PTPN3: variants seen among roughly 807,000 people sequenced by gnomAD.
PTPN3 encodes the protein protein tyrosine phosphatase non-receptor type 3.
PTPN3 carries 96 observed loss-of-function variants against 132.7 expected under a neutral mutation model. The ratio of observed to expected loss-of-function variants is 0.72; its 90% CI spans 0.61 to 0.86. PTPN3 has a LOEUF of 0.86. PTPN3 is among the 40% of genes least tolerant of loss of function. The pLI is 0.00. For missense variants in PTPN3, 1,125 were observed against 1,159.6 expected, an observed-to-expected ratio of 0.97 and a Z score of 0.43; for synonymous variants, 398 against 429.0, an observed-to-expected ratio of 0.93 and a Z score of 0.89.
chr9:109,388,190 G>A (rs1839759324), intron 22 of PTPN3, among the ~76,000 whole-genome samples: 2 of 152,226 alleles, frequency 1.3e-5, no homozygotes, highest in South Asian at 4.1e-4. Context: ...CTCCTAATCT[G>A]GAAGAACTGG....
chr9:109,385,136 C>T (rs1250570963), intron 22 of PTPN3, among the ~76,000 whole-genome samples: 1 of 152,218 alleles, frequency 6.6e-6, no homozygotes, highest in Non-Finnish European at 1.5e-5. Flanking sequence ...AGAGACTCCC[C>T]TTATTCCACA....
intron 1 of PTPN3, among the ~76,000 whole-genome samples, chr9:109,470,797 T>C (rs907676575): frequency 3.3e-5 from 5 of 152,130 alleles, no homozygotes; most frequent in Non-Finnish European, 7.3e-5. Flanking sequence ...CTGATCAAGA[T>C]ATTAAAAAAA....
rs542517052 is a variant in PTPN3, at chr9:109,417,171, C to A, written c.1313+3253G>T. Among the ~76,000 whole-genome samples the A allele has an allele frequency of 4.1e-4, 62 of 152,332 alleles. 1 individual carries two copies. The highest frequency in any genetic ancestry group is 3.9e-3 in the Admixed American group (59 of 15,306). ...GAGTGCAGCCTACTTGGGCACAAAG[C>A]AAACTGCCAAGGATTCATAACTATA... On this transcript the variant is annotated intron_variant, in intron 14 of 25. Coordinates refer to ENST00000374541, the MANE Select transcript of PTPN3 (RefSeq NM_002829.4).
At chr9:109,383,232 C>T (rs1411238657) in intron 23 of PTPN3, 191 bp downstream of exon 23, 4 of 910,214 alleles carry the variant, frequency 4.4e-6, no homozygotes, top group Non-Finnish European at 6.8e-6. Context: ...GCTGTTTGCA[C>T]CTCGTGCCTG....
the PTPN3 span, among the ~76,000 whole-genome samples, chr9:109,504,914 C>T: frequency 6.6e-6 from 1 of 152,300 alleles, no homozygotes; most frequent in East Asian, 1.9e-4. Context: ...TCTTACAAAA[C>T]CCAGGGAAAA....
At chr9:109,485,484 G>A (rs549644183) in intron 1 of PTPN3, among the ~76,000 whole-genome samples, 3 of 152,068 alleles carry the variant, frequency 2.0e-5, no homozygotes, top group African/African-American at 7.2e-5. Context: ...CTCCAGCCTG[G>A]GCAACAGAGA....
rs116175016 is a variant in PTPN3 at position 109,483,816 on chromosome 9, G to C, written c.-18+14403C>G. Among the ~76,000 whole-genome samples the C allele has an allele frequency of 1.3e-3, 203 of 152,284 alleles. 2 individuals carry two copies. Among genetic ancestry groups the C allele is most frequent in the African/African-American group, 4.6e-3 (192 of 41,556 alleles). On this transcript the variant is annotated intron_variant, in intron 1 of 25. Transcript: ENST00000374541. ...AGGCAGAAAGCTGGGTATACGTTAAGCTGTGCGTGTTTTTTCCCTACCTTC... is the reference window on the plus strand; with the variant it reads ...AGGCAGAAAGCTGGGTATACGTTAACCTGTGCGTGTTTTTTCCCTACCTTC...
chr9:109,426,932 T>TCTTTACAGCACACTCA lies in PTPN3; in HGVS notation c.1001+2_1001+17dup, dbSNP rs773563001. 79 of 1,595,524 alleles carry TCTTTACAGCACACTCA rather than the reference T, an allele frequency of 5.0e-5. No homozygotes were observed. The East Asian group carries it at 1.7e-3, about 35-fold the overall frequency. On this transcript the variant is annotated intron_variant, in intron 12 of 25. Coordinates refer to ENST00000374541, the MANE Select transcript of PTPN3 (RefSeq NM_002829.4). ...ACATCTCAGCCTAGTGTGGACACAG[T>TCTTTACAGCACACTCA]CTTTACAGCACACTCACTTTTTGGT...
chr9:109,407,482 G>A (rs914513703), intron 17 of PTPN3, among the ~76,000 whole-genome samples: 1 of 152,088 alleles, frequency 6.6e-6, no homozygotes, highest in Non-Finnish European at 1.5e-5. Flanking sequence ...TGTACACCTT[G>A]AGTATGCACA....
At chr9:109,525,751 G>A in the PTPN3 span, among the ~76,000 whole-genome samples, 152,044 of 152,326 alleles carry the variant, frequency 1, 75,881 homozygotes, top group East Asian at 1. Flanking sequence ...CGTTTTTGCA[G>A]AAGGGCACTA....
At chr9:109,412,038 G>A (rs563582092) in intron 14 of PTPN3, among the ~76,000 whole-genome samples, 1 of 152,258 alleles carries the variant, frequency 6.6e-6, no homozygotes, top group African/African-American at 2.4e-5. Flanking sequence ...CCCCAAATAC[G>A]GCATCTTTGC....
chr9:109,391,365 T>A, intron 20 of PTPN3, 106 bp downstream of exon 20: 1 of 1,345,186 alleles, frequency 7.4e-7, no homozygotes, highest in Non-Finnish European at 1.0e-6. Context: ...ACGGTGGTGT[T>A]TACAGACACA....
intron 22 of PTPN3, among the ~76,000 whole-genome samples, chr9:109,388,786 T>A (rs559716043): frequency 9.9e-5 from 15 of 151,952 alleles, no homozygotes; most frequent in Non-Finnish European, 1.6e-4. Flanking sequence ...AAAGGCAGAG[T>A]CAACTTTACA....
At chr9:109,499,899 G>T (rs1847836299), upstream of PTPN3, among the ~76,000 whole-genome samples, 1 of 152,146 alleles carries the variant, frequency 6.6e-6, no homozygotes, top group Non-Finnish European at 1.5e-5. Flanking sequence ...CTGGAGCCGC[G>T]GCGCCCGCTC....
chr9:109,422,955 G>C (rs144086779), intron 12 of PTPN3, 103 bp from the exon 13 acceptor site: 1 of 1,402,130 alleles, frequency 7.1e-7, no homozygotes, highest in African/African-American at 1.4e-5. Context: ...CTGAAGGACG[G>C]CAGGTTAATG....
intron 22 of PTPN3, among the ~76,000 whole-genome samples, chr9:109,384,862 G>T (rs1415189107): frequency 6.6e-6 from 1 of 152,192 alleles, no homozygotes; most frequent in Non-Finnish European, 1.5e-5. Context: ...CTGGAGTTAA[G>T]AATTTACTTG....
At chr9:109,523,950 A>T in the PTPN3 span, among the ~76,000 whole-genome samples, 1 of 152,086 alleles carries the variant, frequency 6.6e-6, no homozygotes, top group Admixed American at 6.5e-5. Flanking sequence ...TGGTCCAATG[A>T]CAATAACAAC....
chr9:109,505,763 T>C, the PTPN3 span, among the ~76,000 whole-genome samples: 2 of 152,078 alleles, frequency 1.3e-5, no homozygotes, highest in Admixed American at 1.3e-4. Flanking sequence ...CTTTTTTTTT[T>C]TTTTGAGACA....
intron 12 of PTPN3, among the ~76,000 whole-genome samples, chr9:109,423,447 A>G (rs1339026867): frequency 6.6e-6 from 1 of 152,220 alleles, no homozygotes; most frequent in Admixed American, 6.5e-5. Context: ...TCTACTAAAA[A>G]TACAAAAAAT....
Sources: allele counts gnomAD v4.1 joint callset (sites outside exome capture counted in the v4.1 genomes callset), GRCh38; gene constraint gnomAD v4.1.1; transcripts MANE v1.5; gene names NCBI Gene and HGNC (gene_info 2026-07-23, HGNC 2026-07-21).